Variants in TMEM106C observed in about 807,000 individuals in gnomAD.
TMEM106C encodes the protein transmembrane protein 106C.
In TMEM106C, 27 loss-of-function variants were observed where a neutral mutation model predicts 30.8. The ratio of observed to expected loss-of-function variants is 0.88; its 90% confidence interval spans 0.65 to 1.21. The LOEUF (loss-of-function observed/expected upper bound fraction) is 1.21. TMEM106C is among the 50% of genes most tolerant of loss of function. TMEM106C has a pLI of 0.00. For missense variants in TMEM106C, 288 were observed against 307.8 expected, an observed-to-expected ratio of 0.94 and a Z score of 0.48; for synonymous variants, 123 against 118.8, an observed-to-expected ratio of 1.04 and a Z score of -0.23.
chr12:47,964,672 G>C (rs1938161006), intron 2 of TMEM106C: 2 of 511,484 alleles, frequency 3.9e-6, no homozygotes, highest in Non-Finnish European at 3.5e-6. Context: ...CATTCAGTTC[G>C]CTCTGTGTTG....
At chr12:47,967,841 C>T (rs1480923369) in intron 7 of TMEM106C, among the ~76,000 whole-genome samples, 1 of 152,046 alleles carries the variant, frequency 6.6e-6, no homozygotes, top group Non-Finnish European at 1.5e-5. Flanking sequence ...CAGTAGTAAA[C>T]CCTCCATCCC....
At position 47,968,573 on chromosome 12, in the gene TMEM106C, A is replaced by G. The variant is rs146813806; in HGVS notation, c.*344A>G. 6.8e-4 allele frequency: 249 copies of G among 365,670 alleles called. No individual in the cohort carries two copies. The highest frequency in any genetic ancestry group is 5.0e-3 in the African/African-American group (235 of 47,188). The allele number at this position is 365,670 out of a possible 1,614,324, so 22.7% of individuals were successfully genotyped here. A position where few individuals can be genotyped will look rare whatever the true frequency, so the allele number is the denominator to read the frequency against. ...GTTATCAAACCATGGAGTGATGTGGAGCTAGGATTGTGAGTGACCTGCAGG... is the reference window on the plus strand; with the variant it reads ...GTTATCAAACCATGGAGTGATGTGGGGCTAGGATTGTGAGTGACCTGCAGG... On this transcript the variant is annotated 3_prime_UTR_variant, in exon 8 of 8. Coordinates refer to ENST00000429772, the MANE Select transcript of TMEM106C (RefSeq NM_001143842.2).
At chr12:47,967,072 G>C in intron 6 of TMEM106C, 136 bp from the exon 7 acceptor site, 1 of 863,404 alleles carries the variant, frequency 1.2e-6, no homozygotes, top group Non-Finnish European at 1.9e-6. Context: ...CAGGGACTGA[G>C]AGCTGACAAG....
Position 47,964,301 on chromosome 12 carries a change from G to A in TMEM106C, c.65G>A (p.Arg22Lys), listed in dbSNP as rs1565657286. The A allele has an allele frequency of 1.2e-6, 2 of 1,614,150 alleles. No individual in the cohort carries two copies. Among genetic ancestry groups the A allele is most frequent in the East Asian group, 4.5e-5 (2 of 44,880 alleles). Residue 22 changes from arginine to lysine, a missense_variant, in exon 2 of 8, where the codon AGG becomes AAG. Arg to Lys is a conservative substitution (Grantham distance 26). Transcript: ENST00000429772. Reference protein sequence around the residue: ...SSCRRKQEDDRDGLLAEREQE... With the variant: ...SSCRRKQEDDKDGLLAEREQE... ...TGCAGGCGAAAGCAAGAAGATGACA[G>A]GGACGGTTTGCTGGCTGAACGAGAG...
intron 7 of TMEM106C, 71 bp from the exon 8 acceptor site, chr12:47,968,062 T>C: frequency 7.5e-7 from 1 of 1,335,460 alleles, no homozygotes; most frequent in Admixed American, 1.7e-5. Flanking sequence ...GCAAAAAATT[T>C]CCTGGGACAT....
At position 47,968,301 on chromosome 12, in the gene TMEM106C, T is replaced by C; in HGVS notation, c.*72T>C. On this transcript the variant is annotated 3_prime_UTR_variant, in exon 8 of 8. Coordinates refer to ENST00000429772, the MANE Select transcript of TMEM106C (RefSeq NM_001143842.2). Reference sequence around the variant, plus strand: ...GCATATGTTCCCAAGGCCTGAGTTCTGGACCTACCCCCACGTGGTGTAAGC... The same window carrying C: ...GCATATGTTCCCAAGGCCTGAGTTCCGGACCTACCCCCACGTGGTGTAAGC... 8.3e-7 allele frequency: 1 copy of C among 1,203,314 alleles called. No homozygotes were observed. The highest frequency in any genetic ancestry group is 1.2e-6 in the Non-Finnish European group (1 of 813,638). The allele number at this position is 1,203,314 out of a possible 1,614,324, so 74.5% of individuals were successfully genotyped here.
intron 1 of TMEM106C, 181 bp downstream of exon 1, chr12:47,963,885 T>A (rs1938131325): frequency 2.7e-6 from 1 of 368,232 alleles, no homozygotes; most frequent in African/African-American, 2.1e-5. Context: ...GCATAGAGCT[T>A]ACAAATAGTG....
rs762681897 is a variant in TMEM106C, at chr12:47,964,424, G to A, written c.187+1G>A. Reference sequence around the variant, plus strand: ...CAGGGGACAGGCTACATTCCAACAGGTGATCATGGAGGGATGATTCCCTGA... The same window carrying A: ...CAGGGGACAGGCTACATTCCAACAGATGATCATGGAGGGATGATTCCCTGA... On this transcript the variant is annotated splice_donor_variant, in intron 2 of 7. Transcript: ENST00000429772. LOFTEE classifies it high-confidence loss of function. The A allele has an allele frequency of 5.0e-6, 8 of 1,613,848 alleles. No homozygotes were observed. The highest frequency in any genetic ancestry group is 5.9e-6 in the Non-Finnish European group (7 of 1,179,934).
intron 7 of TMEM106C, 107 bp downstream of exon 7, chr12:47,967,368 G>A: frequency 1.8e-6 from 2 of 1,131,662 alleles, no homozygotes; most frequent in Non-Finnish European, 1.3e-6. Flanking sequence ...TAGCCCGAGG[G>A]GACACCCTGT....
At chr12:47,965,705 A>G in intron 3 of TMEM106C, 133 bp from the exon 4 acceptor site, 1 of 1,131,474 alleles carries the variant, frequency 8.8e-7, no homozygotes, top group Non-Finnish European at 1.3e-6. Context: ...CTGCTTCTTA[A>G]CTGGTTTATG....
intron 5 of TMEM106C, 72 bp downstream of exon 5, chr12:47,966,301 CTG>C: frequency 6.5e-7 from 1 of 1,543,064 alleles, no homozygotes; most frequent in Non-Finnish European, 8.8e-7. Flanking sequence ...AATGCCATAG[CTG>C]TGTCACTTTC....
Position 47,965,912 on chromosome 12 carries a change from A to T in TMEM106C, c.326A>T (p.His109Leu). ...TTGGTGGTTTTCTTCCTGTTTCCGCATTCAGTCCTTGTGGATGATGACGGC... is the reference window on the plus strand; with the variant it reads ...TTGGTGGTTTTCTTCCTGTTTCCGCTTTCAGTCCTTGTGGATGATGACGGC... The part of the protein sequence containing the change: ...SGLVVFFLFP[H>L]SVLVDDDGIK... Residue 109 changes from histidine to leucine, a missense_variant, in exon 4 of 8, where the codon CAT becomes CTT. Physicochemically the swap from His to Leu is moderately conservative, Grantham distance 99. Transcript: ENST00000429772. 1.9e-6 allele frequency: 3 copies of T among 1,614,190 alleles called. No individual in the cohort carries two copies. The highest frequency in any genetic ancestry group is 2.5e-6 in the Non-Finnish European group (3 of 1,180,050).
chr12:47,964,598 T>G (rs764450131), intron 2 of TMEM106C, 175 bp downstream of exon 2: 1 of 609,756 alleles, frequency 1.6e-6, no homozygotes, highest in Non-Finnish European at 2.9e-6. Context: ...TCTCTTCCTC[T>G]CCTTATTTTT....
In TMEM106C at chr12:47,965,926, G is replaced by C. The variant is rs751938334; in HGVS notation, c.340G>C (p.Asp114His). 6.2e-7 allele frequency: 1 copy of C among 1,614,106 alleles called. No homozygotes were observed. The highest frequency in any genetic ancestry group is 1.3e-5 in the African/African-American group (1 of 74,938). The change falls in exon 4 of 8, where the codon GAT becomes CAT. Residue 114 changes from aspartate (D) to histidine (H), a missense_variant. Physicochemically the swap from Asp to His is moderately conservative, Grantham distance 81 (BLOSUM62 -1). Transcript: ENST00000429772. ...FFLFPHSVLV[D>H]DDGIKVVKVT... is the part of the protein sequence containing the mutation. ...CCTGTTTCCGCATTCAGTCCTTGTGGATGATGACGGCATCAAAGTGGTGAA... is the reference window on the plus strand; with the variant it reads ...CCTGTTTCCGCATTCAGTCCTTGTGCATGATGACGGCATCAAAGTGGTGAA...
Position 47,967,239 on chromosome 12 carries a change from C to T in TMEM106C, c.634C>T (p.His212Tyr). The change falls in exon 7 of 8, where the codon CAC becomes TAC. Residue 212 changes from histidine to tyrosine, a missense_variant. Physicochemically the swap from His to Tyr is moderately conservative, Grantham distance 83 (BLOSUM62 2). Transcript: ENST00000429772. ...CTGCACGGTACCTGAGATCCTGGTG[C>T]ACAACATAGTGATCTTCATGCGGTG... Reference protein sequence around the residue: ...FFCTVPEILVHNIVIFMRTSV... With the variant: ...FFCTVPEILVYNIVIFMRTSV... The T allele has an allele frequency of 2.5e-6, 4 of 1,614,180 alleles. No individual in the cohort carries two copies. Among genetic ancestry groups the T allele is most frequent in the Non-Finnish European group, 3.4e-6 (4 of 1,180,028 alleles).
At chr12:47,966,940 G>T (rs1938247091) in intron 6 of TMEM106C, 3 of 638,410 alleles carry the variant, frequency 4.7e-6, no homozygotes, top group Non-Finnish European at 8.1e-6. Context: ...TGACAGAAGT[G>T]CTGGAATTTC....
At chr12:47,967,089 C>A in intron 6 of TMEM106C, 119 bp from the exon 7 acceptor site, 1 of 995,620 alleles carries the variant, frequency 1.0e-6, no homozygotes, top group Non-Finnish European at 1.6e-6. Context: ...CAAGCCTTGG[C>A]AGCACTTAGG....
intron 5 of TMEM106C, 95 bp from the exon 6 acceptor site, chr12:47,966,587 TG>T: frequency 7.4e-7 from 1 of 1,350,680 alleles, no homozygotes; most frequent in Admixed American, 1.7e-5. Context: ...TTGCATGTGA[TG>T]GAAGAATGAC....
chr12:47,965,199 T>A, intron 2 of TMEM106C, 83 bp from the exon 3 acceptor site: 7 of 1,091,144 alleles, frequency 6.4e-6, no homozygotes, highest in Non-Finnish European at 6.9e-6. Context: ...GAAGAATATT[T>A]GTTGTGGCAG....
Sources: allele counts gnomAD v4.1 joint callset (sites outside exome capture counted in the v4.1 genomes callset), GRCh38; gene constraint gnomAD v4.1.1; transcripts MANE v1.5; gene names NCBI Gene and HGNC (gene_info 2026-07-23, HGNC 2026-07-21).